LINGO2: variants seen among roughly 807,000 people sequenced by gnomAD.
LINGO2 encodes leucine rich repeat and Ig domain containing 2.
In LINGO2, 14 loss-of-function variants were observed where a neutral mutation model predicts 30.6. That is an observed-to-expected ratio of 0.46 (90% CI 0.30 to 0.72). LINGO2 has a LOEUF of 0.72. Ranked by LOEUF, LINGO2 falls within the 30% of genes least tolerant of loss-of-function variation. The pLI is 0.07. For synonymous variants in LINGO2, 317 were observed against 288.5 expected, an observed-to-expected ratio of 1.10 and a Z score of -1.00; for missense variants, 729 against 751.7, an observed-to-expected ratio of 0.97 and a Z score of 0.35.
the LINGO2 span, among the ~76,000 whole-genome samples, chr9:28,707,738 G>A: frequency 6.6e-6 from 1 of 151,994 alleles, no homozygotes; most frequent in Non-Finnish European, 1.5e-5. Flanking sequence ...TACCTTAGGG[G>A]GCTGTATCAG....
At chr9:28,526,067 A>AAAAAAAAAAAAAAAAAAAAAAAC in intron 1 of LINGO2, among the ~76,000 whole-genome samples, 1 of 150,238 alleles carries the variant, frequency 6.7e-6, no homozygotes, top group Non-Finnish European at 1.5e-5. Flanking sequence ...AAAAAAAAAA[A>AAAAAAAAAAAAAAAAAAAAAAAC]AAAAAAAAAG....
the LINGO2 span, among the ~76,000 whole-genome samples, chr9:29,148,578 A>G: frequency 3.9e-5 from 6 of 152,164 alleles, no homozygotes; most frequent in Non-Finnish European, 5.9e-5. Context: ...TTTACAGCAA[A>G]TATTTTTATT....
At chr9:28,200,240 C>T (rs1440733197) in intron 4 of LINGO2, among the ~76,000 whole-genome samples, 1 of 152,132 alleles carries the variant, frequency 6.6e-6, no homozygotes, top group Non-Finnish European at 1.5e-5. Flanking sequence ...GGTAACCTTG[C>T]CTCTGGAGTT....
At chr9:28,951,426 G>A in the LINGO2 span, among the ~76,000 whole-genome samples, 1 of 152,038 alleles carries the variant, frequency 6.6e-6, no homozygotes, top group South Asian at 2.1e-4. Flanking sequence ...GGAGAAAGAG[G>A]CTTATTCTTT....
chr9:28,894,545 CT>C, the LINGO2 span, among the ~76,000 whole-genome samples: 2 of 151,732 alleles, frequency 1.3e-5, no homozygotes, highest in African/African-American at 2.4e-5. Flanking sequence ...ATATTTTCTT[CT>C]TTTTTAGTTT....
chr9:28,709,499 C>T, the LINGO2 span, among the ~76,000 whole-genome samples: 3 of 151,778 alleles, frequency 2.0e-5, no homozygotes, highest in South Asian at 2.1e-4. Context: ...TATCTAAGGC[C>T]GTGTTCCAAG....
intron 4 of LINGO2, among the ~76,000 whole-genome samples, chr9:28,283,251 T>C (rs1309442956): frequency 6.6e-6 from 1 of 152,206 alleles, no homozygotes; most frequent in East Asian, 1.9e-4. Context: ...TACAAAATTA[T>C]GCCAAGAATT....
rs371028782 is a variant in LINGO2, at chr9:28,345,490, A to G, written c.-246+27346T>C. Among the ~76,000 whole-genome samples, 6 of 152,272 alleles carry G rather than the reference A, an allele frequency of 3.9e-5. 1 individual carries two copies. ...ACCTATTGCAGCTTTATATCAAACTAGCAGGCCTGGATCACTTAGTAATTG... is the reference window on the plus strand; with the variant it reads ...ACCTATTGCAGCTTTATATCAAACTGGCAGGCCTGGATCACTTAGTAATTG... On this transcript the variant is annotated intron_variant, in intron 3 of 5. Transcript: ENST00000379992.
At chr9:28,447,551 C>T (rs1039486499) in intron 2 of LINGO2, among the ~76,000 whole-genome samples, 1 of 152,138 alleles carries the variant, frequency 6.6e-6, no homozygotes. Context: ...AAGACAGCAA[C>T]CAACTGATTT....
At chr9:28,378,113 C>T (rs1821201313) in intron 2 of LINGO2, among the ~76,000 whole-genome samples, 1 of 152,200 alleles carries the variant, frequency 6.6e-6, no homozygotes, top group Non-Finnish European at 1.5e-5. Context: ...CACCACTACA[C>T]TGCATCAAAG....
chr9:28,883,118 T>C, the LINGO2 span, among the ~76,000 whole-genome samples: 1 of 152,190 alleles, frequency 6.6e-6, no homozygotes, highest in African/African-American at 2.4e-5. Context: ...GTTATCTACC[T>C]GTTGAGCTCA....
chr9:28,457,847 C>T (rs1824914941), intron 2 of LINGO2, among the ~76,000 whole-genome samples: 1 of 152,132 alleles, frequency 6.6e-6, no homozygotes, highest in Admixed American at 6.6e-5. Context: ...CCTGTCATTG[C>T]TATTTTCTTT....
the LINGO2 span, chr9:27,940,949 A>G: frequency 6.6e-6 from 1 of 152,122 alleles, no homozygotes; most frequent in African/African-American, 2.4e-5. Context: ...TCCTAATATT[A>G]ATTGGCGAGA....
At position 28,148,191 on chromosome 9, in the gene LINGO2, T is replaced by A. The variant is rs1438355678; in HGVS notation, c.-86-135786A>T. 1 of 779,448 alleles carries A rather than the reference T, an allele frequency of 1.3e-6. No homozygotes were observed. The highest frequency in any genetic ancestry group is 1.9e-6 in the Non-Finnish European group (1 of 533,162). 48.3% of individuals were successfully genotyped at this position (779,448 alleles called of 1,614,324 possible). A position where few individuals can be genotyped will look rare whatever the true frequency, so the allele number is the denominator to read the frequency against. On this transcript the variant is annotated intron_variant, in intron 4 of 5. Coordinates refer to ENST00000379992, the Ensembl canonical transcript of LINGO2. The surrounding 1 kb of genome is among the most constrained non-coding windows in gnomAD (Gnocchi z 5.1). Reference sequence around the variant, plus strand: ...CGACATCTTGGGCCTTCTTTTCCAGTCAGTTGGGACGGCGCCCCTATGAGG... The same window carrying A: ...CGACATCTTGGGCCTTCTTTTCCAGACAGTTGGGACGGCGCCCCTATGAGG...
chr9:29,129,255 G>T, the LINGO2 span, among the ~76,000 whole-genome samples: 1 of 152,116 alleles, frequency 6.6e-6, no homozygotes, highest in African/African-American at 2.4e-5. Context: ...TAAAAAAATT[G>T]TTAACAAGGA....
At chr9:28,359,567 C>T (rs1390040673) in intron 3 of LINGO2, among the ~76,000 whole-genome samples, 1 of 152,142 alleles carries the variant, frequency 6.6e-6, no homozygotes, top group Admixed American at 6.5e-5. Context: ...TTCTTTTCAT[C>T]TCAATCACTA....
At chr9:28,621,711 C>T (rs1481632115) in intron 1 of LINGO2, among the ~76,000 whole-genome samples, 1 of 151,962 alleles carries the variant, frequency 6.6e-6, no homozygotes, top group Non-Finnish European at 1.5e-5. Context: ...ACTATGTATT[C>T]TGTTCCAGAC....
At chr9:28,383,212 CTCTT>C (rs752138849) in intron 2 of LINGO2, among the ~76,000 whole-genome samples, 17 of 151,852 alleles carry the variant, frequency 1.1e-4, no homozygotes, top group Non-Finnish European at 1.9e-4. Context: ...GCAGCACTCA[CTCTT>C]TCATTTCTAA....
rs187741100 is a variant in LINGO2, at chr9:28,071,605, G to A, written c.-86-59200C>T. Among the ~76,000 whole-genome samples, 362 of 150,866 alleles carry A rather than the reference G, an allele frequency of 2.4e-3. 2 individuals are homozygous for A. The highest frequency in any genetic ancestry group is 8.4e-3 in the African/African-American group (346 of 41,014). On this transcript the variant is annotated intron_variant, in intron 4 of 5. Transcript: ENST00000379992. ...GATAATTTTTATCAAATTCCTATCT[G>A]TGACAAGGGCCCCTAAAAACACTAG... is the stretch of plus-strand genomic sequence containing the variant.
Sources: gnomAD v4.1 joint callset for allele counts (sites outside exome capture counted in the v4.1 genomes callset) on GRCh38, gnomAD v4.1.1 for gene constraint, Gnocchi (gnomAD v3.1) non-coding constraint, MANE v1.5 for transcripts, NCBI Gene and HGNC (gene_info 2026-07-23, HGNC 2026-07-21) for gene names.